The following CYTIP variants were observed in gnomAD, a reference collection of about 807,000 sequenced individuals.
CYTIP encodes the protein cytohesin-interacting protein.
A neutral mutation model predicts 43.8 loss-of-function variants in CYTIP; 26 were observed. That is an observed-to-expected ratio of 0.59 (90% CI 0.44 to 0.82). The LOEUF (loss-of-function observed/expected upper bound fraction) is 0.82. Ranked by LOEUF, CYTIP falls within the 40% of genes least tolerant of loss-of-function variation. The pLI, the probability that CYTIP is intolerant of heterozygous loss-of-function variation, is 0.00. For synonymous variants in CYTIP, 162 were observed against 162.9 expected, an observed-to-expected ratio of 0.99 and a Z score of 0.04; for missense variants, 426 against 443.1, an observed-to-expected ratio of 0.96 and a Z score of 0.35.
chr2:157,432,433 A>T (rs943765084), intron 3 of CYTIP, among the ~76,000 whole-genome samples: 1 of 152,208 alleles, frequency 6.6e-6, no homozygotes, highest in South Asian at 2.1e-4. Flanking sequence ...AGACACAAAG[A>T]TCTCATTGTC....
intron 3 of CYTIP, among the ~76,000 whole-genome samples, chr2:157,431,543 A>G (rs564467854): frequency 6.6e-6 from 1 of 152,196 alleles, no homozygotes; most frequent in Admixed American, 6.5e-5. Flanking sequence ...TAGTCACCCA[A>G]CTAAATTAGA....
At chr2:157,425,401 C>T (rs1276615076) in intron 6 of CYTIP, among the ~76,000 whole-genome samples, 1 of 152,048 alleles carries the variant, frequency 6.6e-6, no homozygotes, top group African/African-American at 2.4e-5. Flanking sequence ...TTCTTCACTA[C>T]CAGCTATAGA....
chr2:157,424,505 T>C (rs1399493361), intron 6 of CYTIP, among the ~76,000 whole-genome samples: 1 of 151,886 alleles, frequency 6.6e-6, no homozygotes, highest in Non-Finnish European at 1.5e-5. Context: ...ATGATGTTGT[T>C]TCCTCAAATT....
At chr2:157,427,298 C>A in intron 6 of CYTIP, 53 bp downstream of exon 6, 1 of 1,413,604 alleles carries the variant, frequency 7.1e-7, no homozygotes, top group African/African-American at 1.4e-5. Context: ...TTTATTTTAC[C>A]ACTCACACAT....
chr2:157,424,905 T>TA (rs1372204511), intron 6 of CYTIP, among the ~76,000 whole-genome samples: 5 of 152,082 alleles, frequency 3.3e-5, no homozygotes, highest in Admixed American at 6.6e-5. Context: ...GGAACTTGCT[T>TA]AAAAATAGAG....
chr2:157,436,880 C>T (rs1685816144), intron 1 of CYTIP, among the ~76,000 whole-genome samples: 2 of 152,154 alleles, frequency 1.3e-5, no homozygotes, highest in South Asian at 4.2e-4. Flanking sequence ...CAACATTGTC[C>T]TTTATTAAAT....
intron 6 of CYTIP, among the ~76,000 whole-genome samples, chr2:157,420,477 T>C (rs1232947416): frequency 6.6e-6 from 1 of 151,882 alleles, no homozygotes; most frequent in Non-Finnish European, 1.5e-5. Flanking sequence ...GATGGCACAA[T>C]TGTACTCCAC....
At position 157,416,980 on chromosome 2, in the gene CYTIP, TGA is replaced by T. The variant is rs377170102; in HGVS notation, c.614-839_614-838del. 5.2e-3 allele frequency among the ~76,000 whole-genome samples: 763 copies of T among 146,084 alleles called. 2 individuals are homozygous for T. Among genetic ancestry groups the T allele is most frequent in the African/African-American group, 0.012 (488 of 39,978 alleles). On this transcript the variant is annotated intron_variant, in intron 7 of 7. Transcript: ENST00000264192. ...TTGGTATCTTGTGTGTGTGTGTGTG[TGA>T]GAGAGAGAGAGAGAGAGAGAGAGAA... is the stretch of plus-strand genomic sequence containing the variant.
chr2:157,438,133 A>G (rs1393343871), intron 1 of CYTIP, among the ~76,000 whole-genome samples: 1 of 152,216 alleles, frequency 6.6e-6, no homozygotes, highest in Non-Finnish European at 1.5e-5. Context: ...TAGGTGTCCA[A>G]CAACAGATGA....
At chr2:157,418,616 AGTT>A in intron 6 of CYTIP, 27 bp from the exon 7 acceptor site, 1 of 1,516,682 alleles carries the variant, frequency 6.6e-7, no homozygotes, top group Non-Finnish European at 8.9e-7. Flanking sequence ...AAAAAAAAAA[AGTT>A]TTTATTATTA....
At chr2:157,422,543 G>T (rs1006558411) in intron 6 of CYTIP, among the ~76,000 whole-genome samples, 2 of 151,746 alleles carry the variant, frequency 1.3e-5, no homozygotes, top group African/African-American at 4.8e-5. Flanking sequence ...GGTGGCAGGT[G>T]CCTGTAATCC....
intron 5 of CYTIP, among the ~76,000 whole-genome samples, chr2:157,427,827 C>T (rs1261720193): frequency 6.6e-6 from 1 of 152,170 alleles, no homozygotes; most frequent in East Asian, 1.9e-4. Flanking sequence ...CCATGCTGAA[C>T]ACAAGGGGCA....
chr2:157,426,919 G>A (rs144562082), intron 6 of CYTIP, among the ~76,000 whole-genome samples: 127 of 152,266 alleles, frequency 8.3e-4, no homozygotes, highest in African/African-American at 2.8e-3. Context: ...AGGATTAGAC[G>A]GATAAGGTTT....
intron 1 of CYTIP, among the ~76,000 whole-genome samples, chr2:157,442,666 A>G (rs1456764860): frequency 6.6e-6 from 1 of 152,214 alleles, no homozygotes; most frequent in Non-Finnish European, 1.5e-5. Context: ...ACTTTGTATC[A>G]TAAAAGCACT....
chr2:157,424,205 T>C (rs1269965055), intron 6 of CYTIP, among the ~76,000 whole-genome samples: 2 of 152,188 alleles, frequency 1.3e-5, no homozygotes, highest in African/African-American at 4.8e-5. Context: ...AATCTACAGA[T>C]AATTCATTAG....
intron 6 of CYTIP, among the ~76,000 whole-genome samples, chr2:157,423,076 A>G (rs1435369190): frequency 6.6e-6 from 1 of 152,118 alleles, no homozygotes; most frequent in African/African-American, 2.4e-5. Flanking sequence ...TTGAGTTGAT[A>G]GTTTTCCAAA....
chr2:157,421,706 T>C (rs936052760), intron 6 of CYTIP, among the ~76,000 whole-genome samples: 32 of 152,126 alleles, frequency 2.1e-4, no homozygotes, highest in African/African-American at 7.7e-4. Flanking sequence ...CCTGGTGCAA[T>C]GAAGAGTCTT....
intron 6 of CYTIP, among the ~76,000 whole-genome samples, chr2:157,426,711 T>C (rs1685613464): frequency 6.6e-6 from 1 of 152,130 alleles, no homozygotes; most frequent in Non-Finnish European, 1.5e-5. Context: ...CTCAGATGCA[T>C]GAGTGAGGGT....
intron 6 of CYTIP, among the ~76,000 whole-genome samples, chr2:157,421,716 T>C (rs945999318): frequency 6.6e-6 from 1 of 152,148 alleles, no homozygotes; most frequent in African/African-American, 2.4e-5. Context: ...TGAAGAGTCT[T>C]TGAGGGAAAG....
Sources: allele counts gnomAD v4.1 joint callset (sites outside exome capture counted in the v4.1 genomes callset), GRCh38; gene constraint gnomAD v4.1.1; transcripts MANE v1.5; gene names NCBI Gene and HGNC (gene_info 2026-07-23, HGNC 2026-07-21).